SDK1: variants seen among roughly 807,000 people sequenced by gnomAD.
The protein encoded by SDK1 is protein sidekick-1.
Under a neutral mutation model 245.5 loss-of-function variants are expected in SDK1, and 157 were observed. The observed-to-expected ratio is 0.64, with a 90% confidence interval of 0.56 to 0.73. SDK1 has a LOEUF of 0.73. Ranked by LOEUF, SDK1 falls within the 30% of genes least tolerant of loss-of-function variation. The pLI is 0.00. For missense variants in SDK1, 3,583 were observed against 3,002.3 expected, an observed-to-expected ratio of 1.19 and a Z score of -4.52; for synonymous variants, 1,647 against 1,278.5, an observed-to-expected ratio of 1.29 and a Z score of -6.15.
intron 1 of SDK1, among the ~76,000 whole-genome samples, chr7:3,530,096 A>C (rs987071430): frequency 2.6e-5 from 4 of 152,340 alleles, no homozygotes; most frequent in Admixed American, 1.3e-4. Context: ...AGTATAATCA[A>C]ATTATGTCCC....
chr7:3,762,690 G>A (rs1780142162), intron 4 of SDK1, among the ~76,000 whole-genome samples: 2 of 152,292 alleles, frequency 1.3e-5, no homozygotes, highest in South Asian at 4.1e-4. Context: ...CAGAGGGGAT[G>A]TAACATTCAC....
chr7:3,821,734 G>C (rs1779651765), intron 5 of SDK1, 151 bp downstream of exon 5: 1 of 685,764 alleles, frequency 1.5e-6, no homozygotes, highest in Non-Finnish European at 2.2e-6. Context: ...ATAGTTCGGA[G>C]AGCTTTAGGG....
intron 1 of SDK1, among the ~76,000 whole-genome samples, chr7:3,526,119 A>G (rs1783121199): frequency 1.3e-5 from 2 of 152,064 alleles, no homozygotes; most frequent in South Asian, 4.1e-4. Context: ...CGGTAATCCC[A>G]GCTATTCAGG....
intron 1 of SDK1, among the ~76,000 whole-genome samples, chr7:3,534,003 C>G (rs929898171): frequency 6.6e-6 from 1 of 152,182 alleles, no homozygotes; most frequent in Non-Finnish European, 1.5e-5. Flanking sequence ...TAGCAGATCT[C>G]TGGAACTTGC....
rs192990907 is a variant in SDK1 at position 3,713,530 on chromosome 7, T to C, written c.713+71425T>C. Among the ~76,000 whole-genome samples the C allele has an allele frequency of 2.0e-5, 3 of 152,334 alleles. No homozygotes were observed. In the East Asian group the frequency reaches 5.8e-4, roughly 29 times the overall value. On this transcript the variant is annotated intron_variant, in intron 4 of 44. Transcript: ENST00000404826. ...CTCTCCCCCACCCGCAGCACTGGCTTTTCTGTCTTTTACCATTGAATTAGG... is the reference window on the plus strand; with the variant it reads ...CTCTCCCCCACCCGCAGCACTGGCTCTTCTGTCTTTTACCATTGAATTAGG...
chr7:3,451,421 C>A (rs1780510803), intron 1 of SDK1, among the ~76,000 whole-genome samples: 1 of 152,028 alleles, frequency 6.6e-6, no homozygotes, highest in African/African-American at 2.4e-5. Flanking sequence ...AGGGTACATT[C>A]TGAGGAAATG....
At chr7:4,224,478 C>A (rs916192890) in intron 40 of SDK1, among the ~76,000 whole-genome samples, 2 of 152,122 alleles carry the variant, frequency 1.3e-5, no homozygotes, top group Non-Finnish European at 2.9e-5. Flanking sequence ...AGGGGTGGTC[C>A]TAAAACCATT....
chr7:3,695,346 C>T (rs575025859), intron 4 of SDK1, among the ~76,000 whole-genome samples: 1 of 152,248 alleles, frequency 6.6e-6, no homozygotes, highest in Admixed American at 6.5e-5. Context: ...AGATGCTCAT[C>T]GTAGTATACA....
intron 1 of SDK1, among the ~76,000 whole-genome samples, chr7:3,467,585 G>A (rs1781047816): frequency 1.3e-5 from 2 of 151,884 alleles, no homozygotes; most frequent in African/African-American, 2.4e-5. Context: ...TTTAAAGTCA[G>A]TATCTGTACT....
chr7:3,641,212 C>T (rs552515856), intron 3 of SDK1, among the ~76,000 whole-genome samples: 1 of 152,204 alleles, frequency 6.6e-6, no homozygotes, highest in Admixed American at 6.5e-5. Flanking sequence ...AATAAAAATA[C>T]ACTATTTTGC....
At chr7:4,108,124 C>T (rs896141071) in intron 22 of SDK1, among the ~76,000 whole-genome samples, 9 of 152,128 alleles carry the variant, frequency 5.9e-5, no homozygotes, top group Non-Finnish European at 1.2e-4. Flanking sequence ...GAAGTTCATT[C>T]TCTTTTTGCC....
At chr7:3,595,610 G>C (rs530876493) in intron 1 of SDK1, among the ~76,000 whole-genome samples, 18 of 151,954 alleles carry the variant, frequency 1.2e-4, no homozygotes, top group Non-Finnish European at 2.4e-4. Flanking sequence ...CAGTGAGGCA[G>C]AGTGACATGA....
intron 4 of SDK1, among the ~76,000 whole-genome samples, chr7:3,731,621 C>G (rs1309996591): frequency 6.6e-6 from 1 of 152,132 alleles, no homozygotes. Flanking sequence ...ATTTTTCTAT[C>G]TCTTGGTCAT....
At chr7:3,388,603 TAAG>T (rs1277306851) in intron 1 of SDK1, among the ~76,000 whole-genome samples, 1 of 150,450 alleles carries the variant, frequency 6.6e-6, no homozygotes, top group Non-Finnish European at 1.5e-5. Context: ...ACTCACCACA[TAAG>T]TAGTAGTTGT....
chr7:3,825,131 G>T (rs1339385079), intron 5 of SDK1, among the ~76,000 whole-genome samples: 1 of 152,096 alleles, frequency 6.6e-6, no homozygotes, highest in Non-Finnish European at 1.5e-5. Context: ...CTGCTCAGGT[G>T]CACACCAGAA....
At chr7:3,399,569 C>T (rs1246842546) in intron 1 of SDK1, among the ~76,000 whole-genome samples, 1 of 152,046 alleles carries the variant, frequency 6.6e-6, no homozygotes, top group East Asian at 1.9e-4. Context: ...TTGTTATCCC[C>T]CCAGAGTATC....
intron 4 of SDK1, among the ~76,000 whole-genome samples, chr7:3,740,808 T>G (rs1403633257): frequency 6.6e-6 from 1 of 152,220 alleles, no homozygotes; most frequent in African/African-American, 2.4e-5. Context: ...TCCAAAAATG[T>G]TGATTTCACA....
chr7:3,382,569 A>C (rs1443521691), intron 1 of SDK1, among the ~76,000 whole-genome samples: 1 of 152,170 alleles, frequency 6.6e-6, no homozygotes, highest in Non-Finnish European at 1.5e-5. Flanking sequence ...GATTGCCATA[A>C]TCTGTTGTAA....
At chr7:3,583,146 T>A (rs1780565999) in intron 1 of SDK1, among the ~76,000 whole-genome samples, 1 of 152,196 alleles carries the variant, frequency 6.6e-6, no homozygotes, top group African/African-American at 2.4e-5. Flanking sequence ...TCCAGCTGGT[T>A]CCTGCGTGTA....
Sources: allele counts gnomAD v4.1 joint callset (sites outside exome capture counted in the v4.1 genomes callset), GRCh38; gene constraint gnomAD v4.1.1; transcripts MANE v1.5; gene names NCBI Gene and HGNC (gene_info 2026-07-23, HGNC 2026-07-21).